Variants in GJA8 observed in about 807,000 individuals in gnomAD.
The protein encoded by GJA8 is gap junction protein alpha 8.
In GJA8, 13 loss-of-function variants were observed where a neutral mutation model predicts 15.3. That is an observed-to-expected ratio of 0.85 (90% CI 0.55 to 1.35). GJA8 has a LOEUF of 1.35. Ranked by LOEUF, GJA8 falls within the 40% of genes most tolerant of loss-of-function variation. The pLI is 0.00. For missense variants in GJA8, 607 were observed against 553.3 expected (o/e 1.10, Z -0.97); for synonymous variants, 304 against 238.7 (o/e 1.27, Z -2.52).
At position 147,908,323 on chromosome 1, in the gene GJA8, GC is replaced by G; in HGVS notation, c.371del (p.Pro124ArgfsTer25). The G allele has an allele frequency of 1.9e-6, 3 of 1,614,182 alleles. No individual in the cohort carries two copies. The highest frequency in any genetic ancestry group is 2.5e-6 in the Non-Finnish European group (3 of 1,180,026). ...ELGQQAGTNG[G>X]PDQGSVKKSS... ...GGCCAGCAGGCGGGGACTAACGGCG[GC>G]CCGGACCAGGGCAGCGTCAAGAAGA... On this transcript the variant is annotated frameshift_variant, in exon 2 of 2. Coordinates refer to ENST00000369235, the MANE Select transcript of GJA8 (RefSeq NM_005267.5). LOFTEE classifies it high-confidence loss of function.
Position 147,909,242 on chromosome 1 carries a change from C to A in GJA8, c.1287C>A (p.Asp429Glu). 1 of 1,493,176 alleles carries A rather than the reference C, an allele frequency of 6.7e-7. No homozygotes were observed. The highest frequency in any genetic ancestry group is 9.2e-7 in the Non-Finnish European group (1 of 1,088,262). The allele number at this position is 1,493,176 out of a possible 1,614,324, so 92.5% of individuals were successfully genotyped here. A position where few individuals can be genotyped will look rare whatever the true frequency, so the allele number is the denominator to read the frequency against. The change falls in exon 2 of 2, where the codon GAC becomes GAA. Residue 429 changes from aspartate (D) to glutamate (E), a missense_variant. Asp to Glu is a conservative substitution (Grantham distance 45). Transcript: ENST00000369235. ...LSKASSRARSDDLTV is the reference protein window; with the variant it reads ...LSKASSRARSEDLTV ...AAGCCAGCAGCCGAGCCAGGTCAGA[C>A]GATCTAACCGTATGAAGTGACGCCA... is the stretch of plus-strand genomic sequence containing the variant.
chr1:147,904,226 C>T (rs1489325705), intron 1 of GJA8, among the ~76,000 whole-genome samples: 2 of 152,164 alleles, frequency 1.3e-5, no homozygotes, highest in Non-Finnish European at 2.9e-5. Flanking sequence ...AGTCACCACG[C>T]CCAGCCAATA....
chr1:147,907,819 C>T (rs1651856912), intron 1 of GJA8, 126 bp from the exon 2 acceptor site: 15 of 745,172 alleles, frequency 2.0e-5, no homozygotes, highest in Admixed American at 1.6e-4. Context: ...ACTGGATAGA[C>T]GCTGTGTGCA....
At chr1:147,910,027 T>G (rs587642722), downstream of GJA8, among the ~76,000 whole-genome samples, 4 of 152,072 alleles carry the variant, frequency 2.6e-5, no homozygotes, top group Non-Finnish European at 4.4e-5. Flanking sequence ...ACCCGGCTAA[T>G]TTTTGTATTT....
chr1:147,904,176 TC>T (rs1396261339), intron 1 of GJA8, among the ~76,000 whole-genome samples: 2 of 152,030 alleles, frequency 1.3e-5, no homozygotes, highest in African/African-American at 4.8e-5. Flanking sequence ...CAAGTGATCC[TC>T]CCACCTCGGC....
At position 147,908,204 on chromosome 1, in the gene GJA8, C is replaced by T. The variant is rs1651884841; in HGVS notation, c.249C>T (p.Ile83=). ...SHIRLWVLQI[I]FVSTPSLMYV... is the part of the protein sequence containing the mutation. ...TTCGCCTCTGGGTGCTGCAGATCAT[C>T]TTCGTCTCCACCCCGTCCCTGATGT... is the stretch of plus-strand genomic sequence containing the variant. Residue 83 remains isoleucine, a synonymous_variant, in exon 2 of 2, where the codon ATC becomes ATT. Transcript: ENST00000369235. The T allele has an allele frequency of 6.2e-7, 1 of 1,614,238 alleles. No homozygotes were observed. Among genetic ancestry groups the T allele is most frequent in the African/African-American group, 1.3e-5 (1 of 75,056 alleles).
downstream of GJA8, among the ~76,000 whole-genome samples, chr1:147,909,875 T>A (rs1053702482): frequency 1.3e-5 from 2 of 151,854 alleles, no homozygotes; most frequent in Non-Finnish European, 2.9e-5. Context: ...AAATCCAACC[T>A]TTTTTTTAGA....
rs782314953 is a variant in GJA8, at chr1:147,909,081, G to A, written c.1126G>A (p.Gly376Arg). The change falls in exon 2 of 2, where the codon GGA becomes AGA. Residue 376 changes from glycine (G) to arginine (R), a missense_variant. Coordinates refer to ENST00000369235, the MANE Select transcript of GJA8 (RefSeq NM_005267.5). ...AGAGGGGGAGAAAGTAGAGACCCCC[G>A]GAGTGGATAAGGAGGGTGAAAAAGA... ...VPEGEKVETP[G>R]VDKEGEKEEP... 3 of 1,610,270 alleles carry A rather than the reference G, an allele frequency of 1.9e-6. No homozygotes were observed. Among genetic ancestry groups the A allele is most frequent in the Non-Finnish European group, 8.5e-7 (1 of 1,178,146 alleles).
intron 1 of GJA8, among the ~76,000 whole-genome samples, chr1:147,906,993 T>C (rs114427304): frequency 0.036 from 5,520 of 152,136 alleles, 111 homozygotes; most frequent in Non-Finnish European, 0.046. Flanking sequence ...TCAAGCAATC[T>C]TCCTGGCTCA....
intron 1 of GJA8, among the ~76,000 whole-genome samples, chr1:147,905,689 A>G (rs1200082792): frequency 2.0e-5 from 3 of 152,194 alleles, no homozygotes; most frequent in Admixed American, 6.5e-5. Context: ...CCAAAAGGCA[A>G]TGGGAATGGC....
At chr1:147,906,676 G>T (rs1333528318) in intron 1 of GJA8, among the ~76,000 whole-genome samples, 4 of 152,102 alleles carry the variant, frequency 2.6e-5, no homozygotes, top group Admixed American at 6.5e-5. Context: ...ATTAATAAGG[G>T]TTTCCAGATT....
chr1:147,913,222 G>T (rs1652249961), downstream of GJA8, among the ~76,000 whole-genome samples: 1 of 152,064 alleles, frequency 6.6e-6, no homozygotes, highest in Non-Finnish European at 1.5e-5. Flanking sequence ...GAAATAAATG[G>T]AAAAGAAAGA....
At chr1:147,910,617 C>T (rs188760554), downstream of GJA8, among the ~76,000 whole-genome samples, 2 of 152,294 alleles carry the variant, frequency 1.3e-5, no homozygotes, top group East Asian at 3.9e-4. Flanking sequence ...AAAGAAGATC[C>T]TTTCTTTATT....
intron 1 of GJA8, among the ~76,000 whole-genome samples, chr1:147,906,294 C>T (rs1402017437): frequency 6.6e-6 from 1 of 152,186 alleles, no homozygotes; most frequent in Admixed American, 6.5e-5. Flanking sequence ...GTTCAAGCTG[C>T]AGGAACAACT....
At chr1:147,909,464 T>C (rs1367525244), downstream of GJA8, among the ~76,000 whole-genome samples, 3 of 152,006 alleles carry the variant, frequency 2.0e-5, no homozygotes, top group Non-Finnish European at 4.4e-5. Context: ...GATAAACCCA[T>C]CGACCCACTA....
Position 147,908,925 on chromosome 1 carries a change from G to C in GJA8, c.970G>C (p.Ala324Pro). Residue 324 changes from alanine (A) to proline (P), a missense_variant, in exon 2 of 2, where the codon GCT becomes CCT. Coordinates refer to ENST00000369235, the MANE Select transcript of GJA8 (RefSeq NM_005267.5). Reference sequence around the variant, plus strand: ...CTACCAAGAGACACTGCCTTCCTACGCTCAGGTGGGGGCACAAGAAGTGGA... The same window carrying C: ...CTACCAAGAGACACTGCCTTCCTACCCTCAGGTGGGGGCACAAGAAGTGGA... The part of the protein sequence containing the change: ...RGYQETLPSY[A>P]QVGAQEVEGE... The C allele has an allele frequency of 6.2e-7, 1 of 1,611,848 alleles. No individual in the cohort carries two copies. Among genetic ancestry groups the C allele is most frequent in the Non-Finnish European group, 8.5e-7 (1 of 1,178,380 alleles).
chr1:147,908,881 T>C lies in GJA8; in HGVS notation c.926T>C (p.Leu309Pro). 6.2e-7 allele frequency: 1 copy of C among 1,614,030 alleles called. No individual in the cohort carries two copies. Among genetic ancestry groups the C allele is most frequent in the Non-Finnish European group, 8.5e-7 (1 of 1,179,964 alleles). The change falls in exon 2 of 2, where the codon CTG (leucine) becomes CCG (proline). Residue 309 changes from leucine to proline, a missense_variant. Transcript: ENST00000369235. The part of the protein sequence containing the change: ...QFEEKISTGP[L>P]GDLSRGYQET... The stretch of plus-strand genomic sequence containing the variant: ...GAGGAGAAGATCAGCACAGGACCCC[T>C]GGGGGACTTGTCCCGGGGCTACCAA...
In GJA8 at chr1:147,905,623, C is replaced by G. The variant is rs192907504; in HGVS notation, c.-11-2322C>G. Among the ~76,000 whole-genome samples, 107 of 152,334 alleles carry G rather than the reference C, an allele frequency of 7.0e-4. 3 individuals carry two copies. In the East Asian group the frequency reaches 0.018, roughly 25 times the overall value. On this transcript the variant is annotated intron_variant, in intron 1 of 1. Coordinates refer to ENST00000369235, the MANE Select transcript of GJA8 (RefSeq NM_005267.5). ...AATGAACTTTTTCCTGGCTCTGCCA[C>G]CAGTGAGCTTTATGCTTGGGCTGCT...
At chr1:147,903,662 G>T (rs1306943552) in intron 1 of GJA8, among the ~76,000 whole-genome samples, 1 of 152,088 alleles carries the variant, frequency 6.6e-6, no homozygotes, top group African/African-American at 2.4e-5. Flanking sequence ...CTGGTAATGG[G>T]GATTGATAAT....
Sources: allele counts gnomAD v4.1 joint callset (sites outside exome capture counted in the v4.1 genomes callset), GRCh38; gene constraint gnomAD v4.1.1; transcripts MANE v1.5; gene names NCBI Gene and HGNC (gene_info 2026-07-23, HGNC 2026-07-21).